Variants in PCDHGB1 observed in about 807,000 individuals in gnomAD.
PCDHGB1 encodes protocadherin gamma subfamily B, 1, also known as protocadherin gamma-B1.
A neutral mutation model predicts 56.6 loss-of-function variants in PCDHGB1; 34 were observed. The observed-to-expected ratio is 0.60, with a 90% confidence interval of 0.46 to 0.80. PCDHGB1 has a LOEUF of 0.80. Among genes scored for constraint, PCDHGB1 ranks in the 30% least tolerant of loss-of-function variants. PCDHGB1 has a pLI of 0.00. For synonymous variants in PCDHGB1, 561 were observed against 505.9 expected (o/e 1.11, Z -1.46); for missense variants, 1,278 against 1,204.6 (o/e 1.06, Z -0.90).
intron 1 of PCDHGB1, among the ~76,000 whole-genome samples, chr5:141,380,521 A>G (rs1183307813): frequency 1.3e-5 from 2 of 152,218 alleles, no homozygotes; most frequent in South Asian, 4.1e-4. Flanking sequence ...TAAACTATGA[A>G]ATGATTTCAA....
intron 2 of PCDHGB1, among the ~76,000 whole-genome samples, chr5:141,501,306 C>T (rs1016823458): frequency 5.3e-5 from 8 of 151,412 alleles, no homozygotes; most frequent in Non-Finnish European, 8.8e-5. Context: ...CACACACACA[C>T]ACACACACAC....
At chr5:141,408,213 G>A in intron 1 of PCDHGB1, 1 of 1,554,970 alleles carries the variant, frequency 6.4e-7, no homozygotes, top group South Asian at 1.2e-5. Flanking sequence ...ATGGGAGGGA[G>A]CTGCGCGCAG....
intron 1 of PCDHGB1, among the ~76,000 whole-genome samples, chr5:141,455,290 T>C (rs551962783): frequency 5.3e-5 from 8 of 152,206 alleles, no homozygotes; most frequent in East Asian, 1.9e-4. Flanking sequence ...TCACTTTACA[T>C]AGTTTCATCT....
At chr5:141,498,709 A>G (rs1245852373) in intron 2 of PCDHGB1, among the ~76,000 whole-genome samples, 2 of 152,148 alleles carry the variant, frequency 1.3e-5, no homozygotes, top group African/African-American at 4.8e-5. Context: ...AGGTGGGTGG[A>G]TCACCTGAGG....
chr5:141,421,997 G>A, intron 1 of PCDHGB1: 1 of 1,609,178 alleles, frequency 6.2e-7, no homozygotes. Flanking sequence ...GAAAACATCA[G>A]CTCCGGAACT....
At chr5:141,383,871 T>C (rs1490693086) in intron 1 of PCDHGB1, 1 of 1,613,852 alleles carries the variant, frequency 6.2e-7, no homozygotes, top group African/African-American at 1.3e-5. Flanking sequence ...CTCAAGATGG[T>C]CCTGGTAGTC....
At chr5:141,412,939 C>G in intron 1 of PCDHGB1, 1 of 461,988 alleles carries the variant, frequency 2.2e-6, no homozygotes, top group Non-Finnish European at 3.8e-6. Context: ...TCTTAGGACT[C>G]TGAGCGCCGC....
At chr5:141,398,811 C>T (rs1231007055) in intron 1 of PCDHGB1, 4 of 1,613,862 alleles carry the variant, frequency 2.5e-6, no homozygotes, top group Non-Finnish European at 3.4e-6. Context: ...CCACTGAGCT[C>T]CGGATCCAGG....
chr5:141,357,665 C>T, intron 1 of PCDHGB1: 7 of 1,599,548 alleles, frequency 4.4e-6, no homozygotes, highest in Non-Finnish European at 6.0e-6. Flanking sequence ...GAAATATAGA[C>T]AAAGAGTTGT....
chr5:141,407,143 A>G (rs2154538062), intron 1 of PCDHGB1, among the ~76,000 whole-genome samples: 1 of 152,360 alleles, frequency 6.6e-6, no homozygotes, highest in East Asian at 1.9e-4. Flanking sequence ...AAGAAAAAAA[A>G]GCTGAAGTGT....
intron 1 of PCDHGB1, chr5:141,416,087 G>A (rs1201318552): frequency 1.2e-5 from 2 of 165,800 alleles, no homozygotes; most frequent in East Asian, 3.3e-4. Flanking sequence ...TTCCCAAGGA[G>A]AAGGGCAATA....
chr5:141,417,969 T>G, intron 1 of PCDHGB1: 1 of 1,613,768 alleles, frequency 6.2e-7, no homozygotes, highest in Non-Finnish European at 8.5e-7. Flanking sequence ...CGCTACTCGA[T>G]TCCGGAGGAG....
intron 1 of PCDHGB1, among the ~76,000 whole-genome samples, chr5:141,424,888 G>C (rs2096846233): frequency 6.6e-6 from 1 of 152,178 alleles, no homozygotes; most frequent in Non-Finnish European, 1.5e-5. Context: ...GACTTATCTA[G>C]GGTTTTTGAT....
chr5:141,422,686 C>T, intron 1 of PCDHGB1: 1 of 1,605,000 alleles, frequency 6.2e-7, no homozygotes, highest in East Asian at 2.2e-5. Flanking sequence ...ACAGAATGCC[C>T]TGGTCACTTA....
chr5:141,460,277 A>C (rs2154566827), intron 1 of PCDHGB1, among the ~76,000 whole-genome samples: 1 of 152,124 alleles, frequency 6.6e-6, no homozygotes, highest in African/African-American at 2.4e-5. Context: ...TTTCTTTTAT[A>C]GTTTGTATTT....
Position 141,431,887 on chromosome 5 carries a change from T to G in PCDHGB1, c.2410-62920T>G. ...TTTTAAATGTAAATGACCAAGATTC[T>G]GAGGAAAACGGACAGGTGATCTGTT... On this transcript the variant is annotated intron_variant, in intron 1 of 3. Transcript: ENST00000523390. The surrounding 1 kb of genome is among the most constrained non-coding windows in gnomAD (Gnocchi z 4.8). 6.2e-7 allele frequency: 1 copy of G among 1,614,190 alleles called. No individual in the cohort carries two copies. Among genetic ancestry groups the G allele is most frequent in the Non-Finnish European group, 8.5e-7 (1 of 1,179,996 alleles).
At chr5:141,371,633 G>C in intron 1 of PCDHGB1, 1 of 1,614,040 alleles carries the variant, frequency 6.2e-7, no homozygotes, top group Non-Finnish European at 8.5e-7. Context: ...TGGACCGGGA[G>C]CAGATCCCAG....
chr5:141,433,914 C>A (rs2097664630), intron 1 of PCDHGB1, among the ~76,000 whole-genome samples: 1 of 151,702 alleles, frequency 6.6e-6, no homozygotes, highest in Admixed American at 6.6e-5. Context: ...TTACAATCAC[C>A]TCCAAATGAA....
intron 1 of PCDHGB1, chr5:141,403,791 A>T: frequency 6.2e-7 from 1 of 1,613,900 alleles, no homozygotes. Context: ...GTGGCATACA[A>T]ATTCTGGAAA....
Sources: gnomAD v4.1 joint callset for allele counts (sites outside exome capture counted in the v4.1 genomes callset) on GRCh38, gnomAD v4.1.1 for gene constraint, Gnocchi (gnomAD v3.1) non-coding constraint, MANE v1.5 for transcripts, NCBI Gene and HGNC (gene_info 2026-07-23, HGNC 2026-07-21) for gene names.